Variants in AP2B1 observed in about 807,000 individuals in gnomAD.
The protein encoded by AP2B1 is AP-2 complex subunit beta.
AP2B1 carries 23 observed loss-of-function variants against 102.0 expected under a neutral mutation model. The observed-to-expected ratio is 0.23, with a 90% CI of 0.16 to 0.32. The LOEUF (loss-of-function observed/expected upper bound fraction) is 0.32. Among genes scored for constraint, AP2B1 ranks in the 10% least tolerant of loss-of-function variants. The pLI is 1.00. For synonymous variants in AP2B1, 381 were observed against 421.2 expected, an observed-to-expected ratio of 0.90 and a Z score of 1.17; for missense variants, 541 against 1,157.4, an observed-to-expected ratio of 0.47 and a Z score of 7.73.
chr17:35,724,012 G>C lies in AP2B1; in HGVS notation c.*313G>C, dbSNP rs2085476777. On this transcript the variant is annotated 3_prime_UTR_variant, in exon 22 of 22. Coordinates refer to ENST00000610402, the MANE Select transcript of AP2B1 (RefSeq NM_001030006.2). Reference sequence around the variant, plus strand: ...CTACACCCTCTTTTGAGTGTAGTTTGGTATTTTGTAATTGAGAGCTCATTT... The same window carrying C: ...CTACACCCTCTTTTGAGTGTAGTTTCGTATTTTGTAATTGAGAGCTCATTT... 3.5e-6 allele frequency: 1 copy of C among 283,438 alleles called. No homozygotes were observed. The highest frequency in any genetic ancestry group is 6.6e-6 in the Non-Finnish European group (1 of 150,544). 17.6% of individuals were successfully genotyped at this position (283,438 alleles called of 1,614,324 possible).
intron 12 of AP2B1, among the ~76,000 whole-genome samples, chr17:35,644,544 ATT>A (rs556891338): frequency 1.8e-4 from 24 of 135,822 alleles, no homozygotes; most frequent in Admixed American, 1.5e-4. Flanking sequence ...CGCCCAGCTA[ATT>A]TTTTTTTTTT....
chr17:35,720,555 A>ATATATG (rs1175289937), intron 21 of AP2B1, among the ~76,000 whole-genome samples: 1 of 46,110 alleles, frequency 2.2e-5, no homozygotes, highest in Non-Finnish European at 4.5e-5. Context: ...TTATATATAT[A>ATATATG]TATATATATA....
chr17:35,724,415 C>T lies in AP2B1; in HGVS notation c.*716C>T, dbSNP rs1303073360. 8 of 152,118 alleles carry T rather than the reference C, an allele frequency of 5.3e-5. No individual in the cohort carries two copies. Among genetic ancestry groups the T allele is most frequent in the Middle Eastern group, 3.2e-3 (1 of 316 alleles). 9.4% of individuals were successfully genotyped at this position (152,118 alleles called of 1,614,324 possible). A position where few individuals can be genotyped will look rare whatever the true frequency, so the allele number is the denominator to read the frequency against. ...TCTTCTTGAATGATGTTTCAGTGTG[C>T]AAAAACTATAGAGCCTGTCAGCACC... On this transcript the variant is annotated 3_prime_UTR_variant, in exon 22 of 22. Coordinates refer to ENST00000610402, the MANE Select transcript of AP2B1 (RefSeq NM_001030006.2).
chr17:35,600,352 G>A (rs544645372), intron 3 of AP2B1, among the ~76,000 whole-genome samples: 1 of 152,130 alleles, frequency 6.6e-6, no homozygotes, highest in South Asian at 2.1e-4. Flanking sequence ...CAAAACTGCT[G>A]GGATTACAGG....
chr17:35,701,966 C>T (rs1183927762), intron 18 of AP2B1, among the ~76,000 whole-genome samples: 1 of 152,164 alleles, frequency 6.6e-6, no homozygotes, highest in Non-Finnish European at 1.5e-5. Flanking sequence ...CAAGTGAGGT[C>T]AGAAACTTTG....
At chr17:35,684,384 C>G (rs2099594345) in intron 18 of AP2B1, among the ~76,000 whole-genome samples, 1 of 152,184 alleles carries the variant, frequency 6.6e-6, no homozygotes, top group South Asian at 2.1e-4. Flanking sequence ...ATTGTTTAAT[C>G]TAGAAATACC....
chr17:35,688,758 G>A (rs2075985430), intron 18 of AP2B1, among the ~76,000 whole-genome samples: 1 of 152,158 alleles, frequency 6.6e-6, no homozygotes, highest in African/African-American at 2.4e-5. Context: ...AAGGCCAGGA[G>A]TCCAAGACCA....
intron 13 of AP2B1, among the ~76,000 whole-genome samples, chr17:35,653,630 C>G (rs1443657621): frequency 6.6e-6 from 1 of 152,170 alleles, no homozygotes; most frequent in Non-Finnish European, 1.5e-5. Flanking sequence ...TGTGCCACCA[C>G]ACCCAGCTAA....
chr17:35,674,965 C>G (rs1020929501), intron 17 of AP2B1, among the ~76,000 whole-genome samples: 1 of 152,190 alleles, frequency 6.6e-6, no homozygotes, highest in Non-Finnish European at 1.5e-5. Context: ...CCAGACATTT[C>G]TAGGTACTGG....
chr17:35,723,492 T>C (rs1420675613), intron 21 of AP2B1, 133 bp from the exon 22 acceptor site: 1 of 627,550 alleles, frequency 1.6e-6, no homozygotes, highest in Non-Finnish European at 3.0e-6. Flanking sequence ...ACATAATCTC[T>C]TTGTTTAGCT....
In AP2B1 at chr17:35,639,454, T is replaced by C. The variant is rs541531733; in HGVS notation, c.1272-141T>C. 9 of 606,282 alleles carry C rather than the reference T, an allele frequency of 1.5e-5. No homozygotes were observed. In the South Asian group the frequency reaches 2.1e-4, roughly 14 times the overall value. The allele number at this position is 606,282 out of a possible 1,614,324, so 37.6% of individuals were successfully genotyped here. The stretch of plus-strand genomic sequence containing the variant: ...CATTAAAATCTTCTGACTTAAAACC[T>C]ATTCATTCTCTTGACTAAAAGCTTT... On this transcript the variant is annotated intron_variant, in intron 10 of 21. Transcript: ENST00000610402.
chr17:35,627,121 G>T (rs564491142), intron 7 of AP2B1, among the ~76,000 whole-genome samples: 2 of 151,830 alleles, frequency 1.3e-5, no homozygotes, highest in South Asian at 4.2e-4. Context: ...TCAGGCTGTA[G>T]TTTAGAGCCA....
chr17:35,673,972 C>T (rs1385102256), intron 16 of AP2B1, among the ~76,000 whole-genome samples: 3 of 151,910 alleles, frequency 2.0e-5, no homozygotes, highest in African/African-American at 7.3e-5. Context: ...TAATTGAGAA[C>T]GATCTCAAAA....
chr17:35,679,427 T>A (rs2075770996), intron 17 of AP2B1, among the ~76,000 whole-genome samples: 1 of 151,394 alleles, frequency 6.6e-6, no homozygotes, highest in Non-Finnish European at 1.5e-5. Context: ...CATATGCTGC[T>A]CCTGTTTGAT....
intron 18 of AP2B1, among the ~76,000 whole-genome samples, chr17:35,692,373 T>C (rs587647798): frequency 6.6e-6 from 1 of 152,344 alleles, no homozygotes; most frequent in East Asian, 1.9e-4. Context: ...GAGTTAATGA[T>C]GGATAATGGC....
At chr17:35,619,944 C>A (rs1351323104) in intron 5 of AP2B1, among the ~76,000 whole-genome samples, 1 of 151,984 alleles carries the variant, frequency 6.6e-6, no homozygotes, top group Non-Finnish European at 1.5e-5. Context: ...ACCACCATGC[C>A]TGGCTAATTT....
At chr17:35,650,930 T>A (rs2075071000) in intron 13 of AP2B1, 141 bp downstream of exon 13, 1 of 949,768 alleles carries the variant, frequency 1.1e-6, no homozygotes, top group South Asian at 1.7e-5. Flanking sequence ...AAAGAACTGC[T>A]GTACATTTTT....
chr17:35,627,238 GT>G, intron 7 of AP2B1, 146 bp from the exon 8 acceptor site: 1 of 664,346 alleles, frequency 1.5e-6, no homozygotes, highest in Non-Finnish European at 2.2e-6. Context: ...TATAGAGGAA[GT>G]TTATGCTTTT....
At chr17:35,682,330 GCCT>G (rs1226209301) in intron 17 of AP2B1, among the ~76,000 whole-genome samples, 1 of 134,530 alleles carries the variant, frequency 7.4e-6, no homozygotes, top group Non-Finnish European at 1.5e-5. Context: ...GCAAAATCCT[GCCT>G]CTTTTTTTTT....
Sources: allele counts gnomAD v4.1 joint callset (sites outside exome capture counted in the v4.1 genomes callset), GRCh38; gene constraint gnomAD v4.1.1; transcripts MANE v1.5; gene names NCBI Gene and HGNC (gene_info 2026-07-23, HGNC 2026-07-21).